Variants in RIC1 observed in about 807,000 individuals in gnomAD.
The protein encoded by RIC1 is RIC1 partner of RAB6A GEF complex.
A neutral mutation model predicts 169.0 loss-of-function variants in RIC1; 88 were observed. That is an observed-to-expected ratio of 0.52 (90% CI 0.44 to 0.62). The LOEUF is 0.62. RIC1 is among the 20% of genes least tolerant of loss of function. RIC1 has a pLI of 0.00. For missense variants in RIC1, 1,877 were observed against 1,725.5 expected (o/e 1.09, Z -1.56); for synonymous variants, 790 against 601.5 (o/e 1.31, Z -4.59).
chr9:5,649,774 G>C (rs1818704769), intron 1 of RIC1, among the ~76,000 whole-genome samples: 1 of 150,582 alleles, frequency 6.6e-6, no homozygotes, highest in Non-Finnish European at 1.5e-5. Flanking sequence ...ATACTTACAA[G>C]TTGATGTCTG....
At chr9:5,696,155 G>A (rs1821891690) in intron 3 of RIC1, among the ~76,000 whole-genome samples, 1 of 151,828 alleles carries the variant, frequency 6.6e-6, no homozygotes, top group African/African-American at 2.4e-5. Flanking sequence ...GGGCCCTCAT[G>A]TCCTCCTCCT....
chr9:5,711,874 C>G (rs896812234), intron 3 of RIC1, among the ~76,000 whole-genome samples: 10 of 152,224 alleles, frequency 6.6e-5, no homozygotes, highest in African/African-American at 2.4e-4. Flanking sequence ...TGGTTTCCAG[C>G]TTCATCTATG....
intron 2 of RIC1, among the ~76,000 whole-genome samples, chr9:5,659,679 T>A: frequency 6.6e-6 from 1 of 152,238 alleles, no homozygotes; most frequent in East Asian, 1.9e-4. Context: ...AGACCTTCAA[T>A]TTCTGTAAGG....
rs1260682629 is a variant in RIC1, at chr9:5,774,212, T to C, written c.4238T>C (p.Phe1413Ser). ...GCCCAAGCAGAGGAGGAAGAACCTT[T>C]TCAGGATGGGACTTACGACTGTTCT... ...DTAQAEEEEP[F>S]QDGTYDCSVS Residue 1413 changes from phenylalanine to serine, a missense_variant, in exon 26 of 26, where the codon TTT becomes TCT. Transcript: ENST00000414202. 1.2e-6 allele frequency: 2 copies of C among 1,613,100 alleles called. No individual in the cohort carries two copies. Among genetic ancestry groups the C allele is most frequent in the African/African-American group, 2.7e-5 (2 of 74,892 alleles).
At chr9:5,694,124 A>C (rs570099136) in intron 3 of RIC1, among the ~76,000 whole-genome samples, 1 of 152,312 alleles carries the variant, frequency 6.6e-6, no homozygotes, top group African/African-American at 2.4e-5. Context: ...GAAAGGAAGA[A>C]GAGCATAGCT....
intron 12 of RIC1, 51 bp from the exon 13 acceptor site, chr9:5,753,149 G>C: frequency 6.7e-7 from 1 of 1,501,312 alleles, no homozygotes; most frequent in Non-Finnish European, 9.3e-7. Flanking sequence ...AATGCTTTAA[G>C]TTTAAATATA....
Position 5,763,740 on chromosome 9 carries a change from G to T in RIC1, c.2713G>T (p.Ala905Ser). The change falls in exon 19 of 26, where the codon GCC becomes TCC. Residue 905 changes from alanine to serine, a missense_variant. Ala to Ser is a moderately conservative substitution (Grantham distance 99). Around this residue, in one of 3 missense-constraint regions of RIC1, gnomAD observed 92 missense variants for 151.5 expected, o/e 0.61. Transcript: ENST00000414202. The surrounding 1 kb of genome is among the most constrained non-coding windows in gnomAD (Gnocchi z 5.2). ...PLFLQTVVHC[A>S]RKTEYALWNY... The stretch of plus-strand genomic sequence containing the variant: ...CTTCCTGCAGACAGTTGTCCATTGT[G>T]CCAGGAAGACCGAATATGCCCTGTG... 1 of 1,614,172 alleles carries T rather than the reference G, an allele frequency of 6.2e-7. No individual in the cohort carries two copies. Among genetic ancestry groups the T allele is most frequent in the African/African-American group, 1.3e-5 (1 of 75,046 alleles).
intron 1 of RIC1, among the ~76,000 whole-genome samples, chr9:5,639,164 C>A (rs948449298): frequency 6.6e-6 from 1 of 152,168 alleles, no homozygotes; most frequent in African/African-American, 2.4e-5. Flanking sequence ...ACCTCGGCTC[C>A]CAAAGTGCTA....
At chr9:5,743,874 A>T (rs369679554) in intron 10 of RIC1, 137 bp downstream of exon 10, 214 of 644,852 alleles carry the variant, frequency 3.3e-4, no homozygotes, top group South Asian at 9.7e-4. Context: ...GCAGTGGCAG[A>T]TCATAGCTCA....
At chr9:5,738,386 A>G (rs547051114) in intron 7 of RIC1, 64 bp from the exon 8 acceptor site, 14 of 1,124,570 alleles carry the variant, frequency 1.2e-5, no homozygotes, top group Middle Eastern at 5.2e-4. Flanking sequence ...TAAGAGTTCT[A>G]TAATGCTTTT....
At chr9:5,661,745 G>A (rs1177041339) in intron 2 of RIC1, among the ~76,000 whole-genome samples, 1 of 152,124 alleles carries the variant, frequency 6.6e-6, no homozygotes, top group African/African-American at 2.4e-5. Context: ...AGGCAATGGG[G>A]TTTTCTAATA....
chr9:5,753,520 T>G lies in RIC1; in HGVS notation c.1492-16T>G. ...TAGGTTTGCAAGGAAAAGTTCTTAT[T>G]TTTTTTTTTAAACAGTTTTCAGCTA... On this transcript the variant is annotated splice_polypyrimidine_tract_variant and intron_variant, in intron 13 of 25. Coordinates refer to ENST00000414202, the MANE Select transcript of RIC1 (RefSeq NM_020829.4). 1 of 1,518,500 alleles carries G rather than the reference T, an allele frequency of 6.6e-7. No individual in the cohort carries two copies. Among genetic ancestry groups the G allele is most frequent in the Non-Finnish European group, 9.0e-7 (1 of 1,112,844 alleles). 94.1% of individuals were successfully genotyped at this position (1,518,500 alleles called of 1,614,324 possible). A position where few individuals can be genotyped will look rare whatever the true frequency, so the allele number is the denominator to read the frequency against.
intron 3 of RIC1, among the ~76,000 whole-genome samples, chr9:5,710,826 T>A (rs1213682874): frequency 1.3e-5 from 2 of 152,096 alleles, no homozygotes; most frequent in African/African-American, 4.8e-5. Flanking sequence ...AGTAGAAATA[T>A]ATTCAGTAAA....
chr9:5,680,475 C>A (rs1820750009), intron 2 of RIC1, among the ~76,000 whole-genome samples: 1 of 151,988 alleles, frequency 6.6e-6, no homozygotes, highest in Non-Finnish European at 1.5e-5. Context: ...TGGTTCTGGA[C>A]TTTTTTTGGT....
At chr9:5,694,258 G>C (rs990967067) in intron 3 of RIC1, among the ~76,000 whole-genome samples, 1 of 152,196 alleles carries the variant, frequency 6.6e-6, no homozygotes, top group Non-Finnish European at 1.5e-5. Context: ...AAGGTGACAA[G>C]AGATCTGAAT....
intron 3 of RIC1, among the ~76,000 whole-genome samples, chr9:5,696,489 C>G (rs972533030): frequency 2.0e-5 from 3 of 152,012 alleles, no homozygotes; most frequent in South Asian, 2.1e-4. Context: ...ACCTTCTGCC[C>G]TCAACTCTCC....
At chr9:5,658,559 A>C (rs1473495123) in intron 2 of RIC1, among the ~76,000 whole-genome samples, 1 of 152,130 alleles carries the variant, frequency 6.6e-6, no homozygotes, top group African/African-American at 2.4e-5. Flanking sequence ...GATGAAAAAA[A>C]TTCTCAAAGG....
At chr9:5,703,217 G>C (rs1265200358) in intron 3 of RIC1, among the ~76,000 whole-genome samples, 1 of 152,110 alleles carries the variant, frequency 6.6e-6, no homozygotes, top group African/African-American at 2.4e-5. Context: ...AAGATACAAT[G>C]GGAATACAGA....
chr9:5,684,876 G>A (rs1821116045), intron 2 of RIC1, among the ~76,000 whole-genome samples: 1 of 152,126 alleles, frequency 6.6e-6, no homozygotes, highest in Admixed American at 6.5e-5. Context: ...AATCAGGAAT[G>A]GATGTTGAAT....
Sources: gnomAD v4.1 joint callset for allele counts (sites outside exome capture counted in the v4.1 genomes callset) on GRCh38, gnomAD v4.1.1 for gene constraint, gnomAD v4.1.1 regional missense constraint, Gnocchi (gnomAD v3.1) non-coding constraint, MANE v1.5 for transcripts, NCBI Gene and HGNC (gene_info 2026-07-23, HGNC 2026-07-21) for gene names.